Variants in EIF4B observed in about 807,000 individuals in gnomAD.
EIF4B encodes the protein eukaryotic translation initiation factor 4B.
EIF4B carries 8 observed loss-of-function variants against 79.3 expected under a neutral mutation model. The observed-to-expected ratio is 0.10, with a 90% CI of 0.06 to 0.18. The LOEUF (loss-of-function observed/expected upper bound fraction) is 0.18, where lower values mean the gene tolerates loss of function less well. Ranked by LOEUF, EIF4B falls within the 10% of genes least tolerant of loss-of-function variation. EIF4B has a pLI of 1.00. For synonymous variants in EIF4B, 238 were observed against 274.7 expected, an observed-to-expected ratio of 0.87 and a Z score of 1.32; for missense variants, 515 against 792.4, an observed-to-expected ratio of 0.65 and a Z score of 4.20.
intron 9 of EIF4B, 126 bp downstream of exon 9, chr12:53,034,160 A>T: frequency 2.1e-6 from 2 of 957,918 alleles, no homozygotes; most frequent in South Asian, 3.3e-5. Flanking sequence ...ATGGGCATTT[A>T]GTGGGCTGTG....
chr12:53,024,858 C>T (rs1277788447), intron 6 of EIF4B, among the ~76,000 whole-genome samples: 2 of 151,904 alleles, frequency 1.3e-5, no homozygotes, highest in African/African-American at 2.4e-5. Context: ...GGTTTCACCA[C>T]GTTGGCCAGC....
chr12:53,029,525 G>A (rs142720911), intron 8 of EIF4B, among the ~76,000 whole-genome samples: 2 of 152,094 alleles, frequency 1.3e-5, no homozygotes, highest in African/African-American at 2.4e-5. Context: ...ACAGGTGCAC[G>A]CCACCATGCC....
rs373299084 is a variant in EIF4B at position 53,032,967 on chromosome 12, G to A, written c.980-839G>A. On this transcript the variant is annotated intron_variant, in intron 8 of 14. Coordinates refer to ENST00000262056, the MANE Select transcript of EIF4B (RefSeq NM_001417.7). ...ATTACAGGCGTGAGCCATTGCGCCC[G>A]GCCAGAACTTGGTTATTTATGCCAC... 1.5e-4 allele frequency among the ~76,000 whole-genome samples: 22 copies of A among 149,896 alleles called. No homozygotes were observed. In the East Asian group the frequency reaches 2.0e-3, roughly 14 times the overall value.
intron 8 of EIF4B, among the ~76,000 whole-genome samples, chr12:53,029,272 T>TA (rs1441942069): frequency 6.6e-6 from 1 of 152,214 alleles, no homozygotes; most frequent in Non-Finnish European, 1.5e-5. Flanking sequence ...TCTAACCTGT[T>TA]ATAAAATACT....
chr12:53,020,495 G>A (rs993128857), intron 4 of EIF4B, among the ~76,000 whole-genome samples: 21 of 152,294 alleles, frequency 1.4e-4, no homozygotes, highest in African/African-American at 4.8e-4. Flanking sequence ...ATATTTTACA[G>A]GAGAGTGACA....
In EIF4B at chr12:53,041,353, G is replaced by A. The variant is rs28528754; in HGVS notation, c.*1130G>A. 6.6e-6 allele frequency: 1 copy of A among 152,122 alleles called. No homozygotes were observed. The highest frequency in any genetic ancestry group is 2.1e-4 in the South Asian group (1 of 4,826). The allele number at this position is 152,122 out of a possible 1,614,324, so 9.4% of individuals were successfully genotyped here. A position where few individuals can be genotyped will look rare whatever the true frequency, so the allele number is the denominator to read the frequency against. On this transcript the variant is annotated 3_prime_UTR_variant, in exon 15 of 15. Coordinates refer to ENST00000262056, the MANE Select transcript of EIF4B (RefSeq NM_001417.7). Reference sequence around the variant, plus strand: ...GTGCTCTAGAATAATGGATGGTCTTGGATGATGGATAAATAGGGACAGGGA... The same window carrying A: ...GTGCTCTAGAATAATGGATGGTCTTAGATGATGGATAAATAGGGACAGGGA...
intron 1 of EIF4B, among the ~76,000 whole-genome samples, chr12:53,014,399 C>T (rs1218999657): frequency 1.4e-5 from 2 of 146,064 alleles, no homozygotes; most frequent in Admixed American, 7.0e-5. Context: ...TATGACAAAG[C>T]GAGACTCCGT....
chr12:53,024,236 A>G (rs1473315379), intron 6 of EIF4B, among the ~76,000 whole-genome samples: 1 of 152,186 alleles, frequency 6.6e-6, no homozygotes, highest in African/African-American at 2.4e-5. Context: ...AGACCACACT[A>G]TTTTTAAAAT....
intron 10 of EIF4B, among the ~76,000 whole-genome samples, chr12:53,035,760 CTG>C (rs1462948577): frequency 2.6e-5 from 4 of 152,150 alleles, no homozygotes; most frequent in African/African-American, 7.2e-5. Flanking sequence ...GGGCCAGCCA[CTG>C]TGATATTTTT....
At chr12:53,020,093 T>G (rs1943223758) in intron 4 of EIF4B, 67 bp downstream of exon 4, 2 of 1,369,422 alleles carry the variant, frequency 1.5e-6, no homozygotes, top group East Asian at 2.4e-5. Flanking sequence ...TTGATCAAAC[T>G]GGTATTTTTT....
intron 3 of EIF4B, among the ~76,000 whole-genome samples, chr12:53,019,437 A>ATATATTTTTTTTCT (rs1943205076): frequency 2.0e-5 from 1 of 51,024 alleles, no homozygotes; most frequent in East Asian, 6.5e-4. Context: ...ATATATATAT[A>ATATATTTTTTTTCT]TTTTTTTTTT....
At chr12:53,016,756 G>A (rs1046272638) in intron 2 of EIF4B, 146 bp downstream of exon 2, 3 of 1,243,742 alleles carry the variant, frequency 2.4e-6, no homozygotes, top group Non-Finnish European at 2.1e-6. Context: ...AGAATCTAAG[G>A]TTTAATCTGA....
chr12:53,038,590 A>G, intron 12 of EIF4B, 179 bp downstream of exon 12: 1 of 345,424 alleles, frequency 2.9e-6, no homozygotes, highest in East Asian at 5.2e-5. Context: ...CAAGGCGGGC[A>G]GATCACAGGG....
At chr12:53,025,181 AGG>A in intron 6 of EIF4B, 1 of 455,358 alleles carries the variant, frequency 2.2e-6, no homozygotes, top group Non-Finnish European at 4.4e-6. Context: ...GAACTATGTG[AGG>A]TGATTAACTT....
Position 53,030,413 on chromosome 12 carries a change from CTTT to C in EIF4B, c.979+2248_979+2250del, listed in dbSNP as rs759061266. ...GAAATAGGTTTTAAAAAATTATATT[CTTT>C]TTTTTTTTTTTTTTTTTTTTTTGAG... On this transcript the variant is annotated intron_variant, in intron 8 of 14. Transcript: ENST00000262056. 0.022 allele frequency among the ~76,000 whole-genome samples: 964 copies of C among 42,960 alleles called. 21 individuals carry two copies. The East Asian group carries it at 0.23, about 10-fold the overall frequency. 28.2% of individuals were successfully genotyped at this position (42,960 alleles called of 152,430 possible).
Position 53,041,601 on chromosome 12 carries a change from G to A in EIF4B, c.*1378G>A, listed in dbSNP as rs1448370911. ...CTCTTGCAACACAGTAGCTAAACTT[G>A]CCTGCTTTTATATGCATTTTTGTAG... is the stretch of plus-strand genomic sequence containing the variant. On this transcript the variant is annotated 3_prime_UTR_variant, in exon 15 of 15. Coordinates refer to ENST00000262056, the MANE Select transcript of EIF4B (RefSeq NM_001417.7). 4 of 152,016 alleles carry A rather than the reference G, an allele frequency of 2.6e-5. No homozygotes were observed. The highest frequency in any genetic ancestry group is 5.9e-5 in the Non-Finnish European group (4 of 68,020). 9.4% of individuals were successfully genotyped at this position (152,016 alleles called of 1,614,324 possible).
At chr12:53,010,788 G>A (rs1397575462) in intron 1 of EIF4B, among the ~76,000 whole-genome samples, 1 of 152,032 alleles carries the variant, frequency 6.6e-6, no homozygotes, top group Non-Finnish European at 1.5e-5. Context: ...GGCCAGGCTG[G>A]TCTCGAGCTC....
intron 9 of EIF4B, 83 bp from the exon 10 acceptor site, chr12:53,034,529 A>ATG: frequency 1.6e-6 from 2 of 1,265,838 alleles, no homozygotes; most frequent in Non-Finnish European, 2.3e-6. Context: ...GAAGTAAGTG[A>ATG]TGGTTCTTGA....
intron 12 of EIF4B, chr12:53,038,975 G>A (rs1483567245): frequency 2.2e-5 from 8 of 356,478 alleles, no homozygotes; most frequent in African/African-American, 8.5e-5. Flanking sequence ...ACTACAGAGC[G>A]TCATAATCTT....
Sources: gnomAD v4.1 joint callset for allele counts (sites outside exome capture counted in the v4.1 genomes callset) on GRCh38, gnomAD v4.1.1 for gene constraint, MANE v1.5 for transcripts, NCBI Gene and HGNC (gene_info 2026-07-23, HGNC 2026-07-21) for gene names.